ATG7: variants seen among roughly 807,000 people sequenced by gnomAD.
The protein encoded by ATG7 is ubiquitin-like modifier-activating enzyme ATG7.
In ATG7, 70 loss-of-function variants were observed where a neutral mutation model predicts 82.4. That is an observed-to-expected ratio of 0.85 (90% CI 0.70 to 1.04). The LOEUF (loss-of-function observed/expected upper bound fraction) is 1.04. ATG7 is among the 50% of genes least tolerant of loss of function. ATG7 has a pLI of 0.00. For synonymous variants in ATG7, 287 were observed against 313.0 expected, an observed-to-expected ratio of 0.92 and a Z score of 0.88; for missense variants, 792 against 864.3, an observed-to-expected ratio of 0.92 and a Z score of 1.05.
intron 3 of ATG7, among the ~76,000 whole-genome samples, chr3:11,292,255 T>TTTC (rs1945103204): frequency 7.3e-6 from 1 of 136,204 alleles, no homozygotes; most frequent in South Asian, 2.3e-4. Context: ...TCTTTCTTTC[T>TTTC]TTTTTTTTTT....
chr3:11,330,009 T>C (rs1388977996), intron 9 of ATG7, among the ~76,000 whole-genome samples: 1 of 152,208 alleles, frequency 6.6e-6, no homozygotes, highest in East Asian at 1.9e-4. Flanking sequence ...TGATTAGTTA[T>C]TTTTATAGAA....
intron 19 of ATG7, among the ~76,000 whole-genome samples, chr3:11,405,280 C>G (rs558769126): frequency 1.3e-5 from 2 of 152,120 alleles, no homozygotes; most frequent in Non-Finnish European, 2.9e-5. Flanking sequence ...TCCACCCCCA[C>G]CCCCTTGCCC....
the ATG7 span, among the ~76,000 whole-genome samples, chr3:11,565,288 T>C: frequency 1.3e-5 from 2 of 152,110 alleles, no homozygotes; most frequent in Non-Finnish European, 2.9e-5. The surrounding 1 kb of genome is among the most constrained non-coding windows in gnomAD (Gnocchi z 4.1). Flanking sequence ...TGCCTGACTC[T>C]GTGTTCACTT....
the ATG7 span, chr3:11,565,103 T>C: frequency 2.3e-6 from 3 of 1,279,834 alleles, no homozygotes; most frequent in South Asian, 6.0e-5. The surrounding 1 kb of genome is among the most constrained non-coding windows in gnomAD (Gnocchi z 4.1). Flanking sequence ...TCCGTGTTGC[T>C]TATTTAATTT....
chr3:11,573,452 G>A, the ATG7 span, among the ~76,000 whole-genome samples: 1,139 of 152,248 alleles, frequency 7.5e-3, 7 homozygotes, highest in Middle Eastern at 0.041. Context: ...TGGGGACAGG[G>A]CTTCTGACAT....
chr3:11,471,794 C>CAGTG (rs2087573561), intron 20 of ATG7, among the ~76,000 whole-genome samples: 1 of 126,114 alleles, frequency 7.9e-6, no homozygotes, highest in Admixed American at 9.9e-5. Flanking sequence ...GGCTGGAGTG[C>CAGTG]AGTGGTACAG....
rs761664562 is a variant in ATG7, at chr3:11,397,349, T to C, written c.1956+17297T>C. ...CAAAAAGCATTAATTTGTAATACAA[T>C]TACTTTATAATAATTGGTTTTAATT... On this transcript the variant is annotated intron_variant, in intron 19 of 20. Coordinates refer to ENST00000693202, the MANE Select transcript of ATG7 (RefSeq NM_001349232.2). Among the ~76,000 whole-genome samples, 4 of 146,018 alleles carry C rather than the reference T, an allele frequency of 2.7e-5. No homozygotes were observed. In the South Asian group the frequency reaches 9.2e-4, roughly 33 times the overall value.
In ATG7 at chr3:11,554,846, T is replaced by TG. The variant is rs1197137896; in HGVS notation, c.*5dup. Reference sequence around the variant, plus strand: ...TGAGCGATGATGAGACCATCTGAGATGGCCCCGCTGTGGGGCTGACTTCTC... The same window carrying TG: ...TGAGCGATGATGAGACCATCTGAGATGGGCCCCGCTGTGGGGCTGACTTCTC... On this transcript the variant is annotated 3_prime_UTR_variant, in exon 21 of 21. Coordinates refer to ENST00000693202, the MANE Select transcript of ATG7 (RefSeq NM_001349232.2). The TG allele has an allele frequency of 6.2e-7, 1 of 1,612,678 alleles. No individual in the cohort carries two copies.
chr3:11,291,314 G>T (rs1459456172), intron 3 of ATG7, among the ~76,000 whole-genome samples: 1 of 152,216 alleles, frequency 6.6e-6, no homozygotes, highest in African/African-American at 2.4e-5. Flanking sequence ...TTGACTGTTG[G>T]AGAGGAGGTT....
At chr3:11,463,524 G>A (rs1400351973) in intron 20 of ATG7, among the ~76,000 whole-genome samples, 2 of 152,156 alleles carry the variant, frequency 1.3e-5, no homozygotes, top group Non-Finnish European at 2.9e-5. Context: ...CCCGCATTTA[G>A]ACTTGGTTAC....
At chr3:11,523,343 T>C (rs1314715316) in intron 20 of ATG7, among the ~76,000 whole-genome samples, 1 of 152,250 alleles carries the variant, frequency 6.6e-6, no homozygotes, top group Non-Finnish European at 1.5e-5. Flanking sequence ...AAGATGATCT[T>C]GCCCTCCACC....
intron 20 of ATG7, among the ~76,000 whole-genome samples, chr3:11,434,070 C>A (rs1043666610): frequency 6.6e-6 from 1 of 152,210 alleles, no homozygotes; most frequent in African/African-American, 2.4e-5. Context: ...ATTGGCACAG[C>A]AATTTACTAT....
chr3:11,297,359 G>A (rs1200485290), intron 3 of ATG7, among the ~76,000 whole-genome samples: 1 of 152,122 alleles, frequency 6.6e-6, no homozygotes, highest in African/African-American at 2.4e-5. Flanking sequence ...CCCTGTAAAT[G>A]TATCCCATTT....
intron 3 of ATG7, among the ~76,000 whole-genome samples, chr3:11,285,257 G>A (rs913256170): frequency 4.8e-5 from 7 of 145,704 alleles, no homozygotes; most frequent in Non-Finnish European, 8.9e-5. Context: ...ACGGCTCACT[G>A]CAGACTCGAC....
intron 14 of ATG7, among the ~76,000 whole-genome samples, chr3:11,352,147 C>T (rs1334814564): frequency 1.3e-5 from 2 of 152,078 alleles, no homozygotes; most frequent in Non-Finnish European, 2.9e-5. Flanking sequence ...TGATGATTTC[C>T]AGCTTCATCC....
At chr3:11,294,069 A>G (rs1191031679) in intron 3 of ATG7, among the ~76,000 whole-genome samples, 1 of 151,312 alleles carries the variant, frequency 6.6e-6, no homozygotes, top group African/African-American at 2.4e-5. Context: ...GACTGAGGAG[A>G]GGGCTGAGCA....
At chr3:11,465,510 C>T (rs989491942) in intron 20 of ATG7, among the ~76,000 whole-genome samples, 5 of 151,172 alleles carry the variant, frequency 3.3e-5, no homozygotes, top group African/African-American at 9.7e-5. Flanking sequence ...TTTGGGAGGC[C>T]GAAGTGGGAT....
chr3:11,560,472 C>CT (rs137869808), downstream of ATG7, among the ~76,000 whole-genome samples: 383 of 152,312 alleles, frequency 2.5e-3, 1 homozygote, highest in African/African-American at 8.8e-3. Context: ...GACGCTGGGC[C>CT]TTATCCTCCC....
intron 20 of ATG7, among the ~76,000 whole-genome samples, chr3:11,452,478 G>A (rs932673128): frequency 2.0e-5 from 3 of 150,412 alleles, no homozygotes; most frequent in African/African-American, 7.4e-5. Flanking sequence ...CCATTGAACT[G>A]TTAAATTGGT....
Sources: gnomAD v4.1 joint callset for allele counts (sites outside exome capture counted in the v4.1 genomes callset) on GRCh38, gnomAD v4.1.1 for gene constraint, Gnocchi (gnomAD v3.1) non-coding constraint, MANE v1.5 for transcripts, NCBI Gene and HGNC (gene_info 2026-07-23, HGNC 2026-07-21) for gene names.